ZNF831: variants seen among roughly 807,000 people sequenced by gnomAD.
ZNF831 encodes the protein zinc finger protein 831.
A neutral mutation model predicts 95.8 loss-of-function variants in ZNF831; 59 were observed. The ratio of observed to expected loss-of-function variants is 0.62; its 90% CI spans 0.50 to 0.77. ZNF831 has a LOEUF of 0.77. ZNF831 is among the 30% of genes least tolerant of loss of function. The probability of loss-of-function intolerance (pLI) is 0.00; values close to 1 mark genes in which losing one functional copy is unlikely to be tolerated. For missense variants in ZNF831, 2,205 were observed against 2,164.0 expected (o/e 1.02, Z -0.38); for synonymous variants, 961 against 925.5 (o/e 1.04, Z -0.70).
At chr20:59,252,334 A>T (rs2146755085) in intron 4 of ZNF831, among the ~76,000 whole-genome samples, 1 of 152,236 alleles carries the variant, frequency 6.6e-6, no homozygotes, top group East Asian at 1.9e-4. Context: ...TCATATCATG[A>T]TGGAACCTGC....
chr20:59,195,383 T>C (rs1984011723), intron 2 of ZNF831, among the ~76,000 whole-genome samples: 1 of 152,182 alleles, frequency 6.6e-6, no homozygotes, highest in Non-Finnish European at 1.5e-5. Flanking sequence ...CCGCGGCCAC[T>C]GAGGACGGTC....
intron 1 of ZNF831, among the ~76,000 whole-genome samples, chr20:59,167,251 T>C (rs2146485641): frequency 6.6e-6 from 1 of 152,372 alleles, no homozygotes; most frequent in Admixed American, 6.5e-5. Flanking sequence ...ACTTGCTTCA[T>C]GTGTTTGCAC....
intron 2 of ZNF831, 116 bp downstream of exon 2, chr20:59,194,873 G>A: frequency 1.5e-6 from 2 of 1,377,326 alleles, no homozygotes; most frequent in Non-Finnish European, 1.9e-6. Context: ...GCTGTTCACT[G>A]CTTGCTTGTT....
In ZNF831 at chr20:59,164,121, G is replaced by T. The variant is rs1323887824; in HGVS notation, c.-123G>T. On this transcript the variant is annotated 5_prime_UTR_variant, in exon 1 of 6. Transcript: ENST00000371030. ...TGGGGCCAGCCCAGTGGTCCTTTCT[G>T]GACCTGTGGGTGTCTTCTCTGGGCA... Among the ~76,000 whole-genome samples the T allele has an allele frequency of 6.6e-6, 1 of 152,086 alleles. No homozygotes were observed. Among genetic ancestry groups the T allele is most frequent in the Non-Finnish European group, 1.5e-5 (1 of 68,036 alleles).
At chr20:59,174,662 C>G (rs1981997527) in intron 1 of ZNF831, among the ~76,000 whole-genome samples, 1 of 151,828 alleles carries the variant, frequency 6.6e-6, no homozygotes, top group Non-Finnish European at 1.5e-5. Flanking sequence ...CTGCAGTGAT[C>G]CATGTACGCA....
intron 2 of ZNF831, among the ~76,000 whole-genome samples, chr20:59,152,170 A>G (rs1025296055): frequency 6.6e-6 from 1 of 152,204 alleles, no homozygotes; most frequent in Non-Finnish European, 1.5e-5. Flanking sequence ...TGCTAGAAAG[A>G]GCTAGTAATG....
chr20:59,252,594 C>T (rs568123329), intron 4 of ZNF831, among the ~76,000 whole-genome samples: 1 of 151,810 alleles, frequency 6.6e-6, no homozygotes, highest in Non-Finnish European at 1.5e-5. Flanking sequence ...CACCATGCAT[C>T]GAGTGAAACG....
At chr20:59,219,070 G>A (rs1985900536) in intron 4 of ZNF831, among the ~76,000 whole-genome samples, 1 of 152,048 alleles carries the variant, frequency 6.6e-6, no homozygotes. Flanking sequence ...CTAAAGAAGT[G>A]GGGGTCAGGC....
chr20:59,242,634 G>C (rs1029520158), intron 4 of ZNF831, among the ~76,000 whole-genome samples: 4 of 152,168 alleles, frequency 2.6e-5, no homozygotes, highest in African/African-American at 7.2e-5. Flanking sequence ...GTACCACTAA[G>C]AAAAGTAATT....
At position 59,188,010 on chromosome 20, in the gene ZNF831, C is replaced by T. The variant is rs138932283; in HGVS notation, c.-36-2974C>T. On this transcript the variant is annotated intron_variant, in intron 1 of 5. Transcript: ENST00000371030. ...CTTTTTATGGCTGATTACGATTCTACGGTACTGTATATTGCCGTTTGTCTA... is the reference window on the plus strand; with the variant it reads ...CTTTTTATGGCTGATTACGATTCTATGGTACTGTATATTGCCGTTTGTCTA... Among the ~76,000 whole-genome samples the T allele has an allele frequency of 2.7e-3, 414 of 152,332 alleles. 5 individuals carry two copies. The highest frequency in any genetic ancestry group is 9.5e-3 in the African/African-American group (395 of 41,572).
intron 1 of ZNF831, among the ~76,000 whole-genome samples, chr20:59,187,027 C>T (rs991419541): frequency 3.3e-5 from 5 of 151,872 alleles, no homozygotes; most frequent in South Asian, 2.1e-4. Context: ...AAGCTGTGAA[C>T]ATGATGCTAC....
intron 3 of ZNF831, among the ~76,000 whole-genome samples, chr20:59,200,515 C>T (rs1259907547): frequency 6.6e-6 from 1 of 151,964 alleles, no homozygotes; most frequent in African/African-American, 2.4e-5. Context: ...TTAAAACATA[C>T]AATTAAATAA....
intron 1 of ZNF831, among the ~76,000 whole-genome samples, chr20:59,130,413 G>A (rs957275791): frequency 6.6e-6 from 1 of 152,140 alleles, no homozygotes; most frequent in Non-Finnish European, 1.5e-5. Flanking sequence ...CTGAACTGCT[G>A]GCATCCGGCC....
chr20:59,134,730 T>C (rs1601290382), intron 1 of ZNF831, among the ~76,000 whole-genome samples: 2 of 152,336 alleles, frequency 1.3e-5, no homozygotes, highest in Admixed American at 1.3e-4. Flanking sequence ...TCATCTGGGA[T>C]GGGAGCGTCT....
chr20:59,140,537 T>C (rs1266579357), intron 1 of ZNF831, among the ~76,000 whole-genome samples: 1 of 152,202 alleles, frequency 6.6e-6, no homozygotes, highest in African/African-American at 2.4e-5. Flanking sequence ...TCGATAATTA[T>C]AGATCCACAG....
intron 1 of ZNF831, among the ~76,000 whole-genome samples, chr20:59,127,351 G>A (rs961567770): frequency 4.6e-5 from 7 of 152,194 alleles, no homozygotes; most frequent in Admixed American, 2.0e-4. Flanking sequence ...CAGGTAATCC[G>A]TGGGATCCTG....
At chr20:59,206,694 A>G (rs1010730530) in intron 3 of ZNF831, among the ~76,000 whole-genome samples, 2 of 152,148 alleles carry the variant, frequency 1.3e-5, no homozygotes, top group South Asian at 2.1e-4. Flanking sequence ...TGACCACCTC[A>G]TTTAGTTCCT....
chr20:59,241,546 CT>C (rs980094410), intron 4 of ZNF831, among the ~76,000 whole-genome samples: 1 of 152,074 alleles, frequency 6.6e-6, no homozygotes, highest in African/African-American at 2.4e-5. Context: ...TATAAGAAAA[CT>C]TTTGTAAGAA....
chr20:59,208,436 G>T lies in ZNF831; in HGVS notation c.4027+1380G>T, dbSNP rs1003966622. ...TTGGGCCGTCCTGTGACAGGCACAG[G>T]TGCCATCGATATCACCTCTGTGCTC... is the stretch of plus-strand genomic sequence containing the variant. On this transcript the variant is annotated intron_variant, in intron 4 of 5. Coordinates refer to ENST00000371030, the MANE Select transcript of ZNF831 (RefSeq NM_178457.3). This position sits in a 1 kb window ranked among gnomAD's most constrained non-coding sequence, Gnocchi z 4.2. 6.6e-6 allele frequency among the ~76,000 whole-genome samples: 1 copy of T among 152,230 alleles called. No homozygotes were observed. The highest frequency in any genetic ancestry group is 2.4e-5 in the African/African-American group (1 of 41,468).
Sources: allele counts gnomAD v4.1 joint callset (sites outside exome capture counted in the v4.1 genomes callset), GRCh38; gene constraint gnomAD v4.1.1; non-coding constraint Gnocchi (gnomAD v3.1); transcripts MANE v1.5; gene names NCBI Gene and HGNC (gene_info 2026-07-23, HGNC 2026-07-21).